The following TRMT1 variants were observed in gnomAD, a reference collection of about 807,000 sequenced individuals.
TRMT1 encodes the protein tRNA methyltransferase 1.
Under a neutral mutation model 75.4 loss-of-function variants are expected in TRMT1, and 63 were observed. The ratio of observed to expected loss-of-function variants is 0.84; its 90% CI spans 0.68 to 1.03. The LOEUF is 1.03. TRMT1 is among the 50% of genes least tolerant of loss of function. The pLI, the probability that TRMT1 is intolerant of heterozygous loss-of-function variation, is 0.00. For missense variants in TRMT1, 870 were observed against 905.3 expected (o/e 0.96, Z 0.50); for synonymous variants, 382 against 358.1 (o/e 1.07, Z -0.75).
In TRMT1 at chr19:13,110,262, G is replaced by A. The variant is rs1483029432; in HGVS notation, c.915C>T (p.Cys305=). 2 of 1,609,860 alleles carry A rather than the reference G, an allele frequency of 1.2e-6. No individual in the cohort carries two copies. The highest frequency in any genetic ancestry group is 2.2e-5 in the South Asian group (2 of 90,976). Reference sequence around the variant, plus strand: ...GCAGCGGCACCACGAAGCGCTGGTAGCAGTTGGCGCGGAGGTCCAGGCTGT... The same window carrying A: ...GCAGCGGCACCACGAAGCGCTGGTAACAGTTGGCGCGGAGGTCCAGGCTGT... ...VLHSLDLRAN[C]YQRFVVPLLS... The change falls in exon 8 of 17, where the codon TGC becomes TGT. Residue 305 remains cysteine, a synonymous_variant. Coordinates refer to ENST00000357720, the MANE Select transcript of TRMT1 (RefSeq NM_001136035.4).
rs1599941518 is a variant in TRMT1, at chr19:13,109,957, T to C, written c.1064A>G (p.His355Arg). ...VFQCVGCGAF[H>R]LQRLGKASGV... ...TGACGCTTTGCCGAGACGCTGAAGG[T>C]GGAAGGCCCCGCAGCCCACACACTG... Residue 355 changes from histidine to arginine, a missense_variant, in exon 9 of 17, where the codon CAC (histidine) becomes CGC (arginine). By Grantham distance (29) the His-to-Arg change is conservative. Transcript: ENST00000357720. The C allele has an allele frequency of 6.2e-6, 10 of 1,613,794 alleles. No homozygotes were observed. Among genetic ancestry groups the C allele is most frequent in the Non-Finnish European group, 6.8e-6 (8 of 1,179,944 alleles).
chr19:13,112,888 C>T lies in TRMT1; in HGVS notation c.757+8G>A, dbSNP rs1283536272. 6.2e-7 allele frequency: 1 copy of T among 1,612,822 alleles called. No individual in the cohort carries two copies. Among genetic ancestry groups the T allele is most frequent in the Non-Finnish European group, 8.5e-7 (1 of 1,179,208 alleles). On this transcript the variant is annotated splice_region_variant and intron_variant, in intron 6 of 16. Coordinates refer to ENST00000357720, the MANE Select transcript of TRMT1 (RefSeq NM_001136035.4). ...CCTGCTCCCACCCCAGTGCCATCCC[C>T]ACCTCACCTCCTTCACTCACAGCCT...
rs71168652 is a variant in TRMT1, at chr19:13,107,985, C to CTT, written c.1398-128_1398-127dup. 3,197 of 329,092 alleles carry CTT rather than the reference C, an allele frequency of 9.7e-3. 4 individuals carry two copies. The highest frequency in any genetic ancestry group is 0.016 in the Middle Eastern group (16 of 1,014). The allele number at this position is 329,092 out of a possible 1,614,324, so 20.4% of individuals were successfully genotyped here. A position where few individuals can be genotyped will look rare whatever the true frequency, so the allele number is the denominator to read the frequency against. ...CTACAGAGTTCATTTCTTTTCTTTT[C>CTT]TTTTTTTTTTTTTTTTTTTTTTTGA... On this transcript the variant is annotated intron_variant, in intron 12 of 16. Coordinates refer to ENST00000357720, the MANE Select transcript of TRMT1 (RefSeq NM_001136035.4).
intron 10 of TRMT1, 33 bp from the exon 11 acceptor site, chr19:13,109,717 CTA>C (rs772944218): frequency 8.2e-5 from 133 of 1,613,886 alleles, no homozygotes; most frequent in Non-Finnish European, 1.0e-4. Flanking sequence ...TGAGCAGGGA[CTA>C]TGACCTTCAA....
In TRMT1 at chr19:13,105,035, G is replaced by A. The variant is rs2018786917; in HGVS notation, c.1880C>T (p.Pro627Leu). The change falls in exon 17 of 17, where the codon CCG becomes CTG. Residue 627 changes from proline to leucine, a missense_variant. Pro to Leu is a moderately conservative substitution (Grantham distance 98, BLOSUM62 -3). Transcript: ENST00000357720. ...GDQCCYSHSP[P>L]TPRVSADAAP... ...AGCATCAGCAGAAACCCTGGGTGTC[G>A]GGGGGCTGTGGGAGTAGCAGCACTG... is the stretch of plus-strand genomic sequence containing the variant. 3.7e-6 allele frequency: 6 copies of A among 1,608,486 alleles called. No homozygotes were observed. The highest frequency in any genetic ancestry group is 3.4e-5 in the Admixed American group (2 of 59,612).
chr19:13,112,438 T>C (rs1262033052), intron 7 of TRMT1, among the ~76,000 whole-genome samples: 1 of 152,208 alleles, frequency 6.6e-6, no homozygotes, highest in Non-Finnish European at 1.5e-5. Context: ...TTTTGAAAAG[T>C]TGTTTTAATA....
chr19:13,105,686 G>T, intron 14 of TRMT1, 80 bp from the exon 15 acceptor site: 1 of 1,351,178 alleles, frequency 7.4e-7, no homozygotes, highest in Non-Finnish European at 1.0e-6. Context: ...GGGCCTGTCC[G>T]CCTCCACAAC....
In TRMT1 at chr19:13,105,162, C is replaced by A; in HGVS notation, c.1834-81G>T. The A allele has an allele frequency of 1.3e-6, 2 of 1,547,676 alleles. 1 individual carries two copies. Among genetic ancestry groups the A allele is most frequent in the East Asian group, 4.5e-5 (2 of 44,326 alleles). Reference sequence around the variant, plus strand: ...GGATCCTTTCCTGGGATGGGAAGCCCACTCCCAAACACTTGCCTGGCCCCA... The same window carrying A: ...GGATCCTTTCCTGGGATGGGAAGCCAACTCCCAAACACTTGCCTGGCCCCA... On this transcript the variant is annotated intron_variant, in intron 16 of 16. Transcript: ENST00000357720.
In TRMT1 at chr19:13,105,384, G is replaced by A. The variant is rs140922671; in HGVS notation, c.1716C>T (p.Ala572=). The A allele has an allele frequency of 3.6e-5, 58 of 1,613,668 alleles. No homozygotes were observed. The Admixed American group carries it at 6.0e-4, about 17-fold the overall frequency. The part of the protein sequence containing the change: ...RPRARPGGKA[A]DEAMEERRRL... ...TGCGTCTCTCCTCCATAGCTTCGTCGGCCGCCTTGCCCCTGTGCGAGGGGA... is the reference window on the plus strand; with the variant it reads ...TGCGTCTCTCCTCCATAGCTTCGTCAGCCGCCTTGCCCCTGTGCGAGGGGA... The change falls in exon 16 of 17, where the codon GCC becomes GCT. Residue 572 remains alanine (A), a synonymous_variant. Transcript: ENST00000357720.
At chr19:13,116,498 C>T in intron 1 of TRMT1, 67 bp from the exon 2 acceptor site, 2 of 1,475,826 alleles carry the variant, frequency 1.4e-6, no homozygotes, top group Admixed American at 2.2e-5. Context: ...CGGGGATGTC[C>T]TACATATCTA....
At position 13,115,428 on chromosome 19, in the gene TRMT1, G is replaced by T. The variant is rs755181260; in HGVS notation, c.492C>A (p.Gly164=). ...LHVLEGLAAS[G]LRSIRFALEV... is the part of the protein sequence containing the mutation. ...CTAGGGCAAATCGAATGGAACGTAG[G>T]CCTGAAGCTGCCAGGCCTTCCAGCA... is the stretch of plus-strand genomic sequence containing the variant. The change falls in exon 5 of 17, where the codon GGC becomes GGA. Residue 164 remains glycine, a synonymous_variant. Coordinates refer to ENST00000357720, the MANE Select transcript of TRMT1 (RefSeq NM_001136035.4). The T allele has an allele frequency of 6.2e-7, 1 of 1,613,866 alleles. No individual in the cohort carries two copies.
rs776239119 is a variant in TRMT1 at position 13,116,381 on chromosome 19, A to G, written c.19T>C (p.Trp7Arg). 1.0e-5 allele frequency: 16 copies of G among 1,606,916 alleles called. No homozygotes were observed. The South Asian group carries it at 1.4e-4, about 14-fold the overall frequency. Reference protein sequence around the residue: MQGSSLWLSLTFRSARV... With the variant: MQGSSLRLSLTFRSARV... The stretch of plus-strand genomic sequence containing the variant: ...GCGGAGCGGAAAGTGAGGCTTAGCC[A>G]CAGAGACGATCCTTGCATGAGACAT... Residue 7 changes from tryptophan to arginine, a missense_variant, in exon 2 of 17, where the codon TGG becomes CGG. By Grantham distance (101) the Trp-to-Arg change is moderately radical (BLOSUM62 -3). Coordinates refer to ENST00000357720, the MANE Select transcript of TRMT1 (RefSeq NM_001136035.4).
intron 7 of TRMT1, among the ~76,000 whole-genome samples, chr19:13,111,990 C>T (rs139707084): frequency 4.1e-4 from 62 of 152,108 alleles, no homozygotes; most frequent in African/African-American, 1.4e-3. Context: ...TGAGCTACCA[C>T]GCCCGGCCTA....
intron 3 of TRMT1, 41 bp downstream of exon 3, chr19:13,115,956 T>G: frequency 6.2e-7 from 1 of 1,613,696 alleles, no homozygotes; most frequent in Non-Finnish European, 8.5e-7. Flanking sequence ...GAGATAAACT[T>G]GTGTGACCCC....
In TRMT1 at chr19:13,105,597, G is replaced by A. The variant is rs2018830226; in HGVS notation, c.1593C>T (p.Ala531=). The change falls in exon 15 of 17, where the codon GCC becomes GCT. Residue 531 remains alanine (A), a synonymous_variant. Transcript: ENST00000357720. ...RILSVEPRLQ[A]NFTIREDANP... ...TGGCATCTTCCCGGATGGTGAAGTT[G>A]GCCTGCAGCCTAGGGAAGCAGGGGT... 3.1e-6 allele frequency: 5 copies of A among 1,613,394 alleles called. No individual in the cohort carries two copies. The highest frequency in any genetic ancestry group is 2.2e-5 in the South Asian group (2 of 91,034).
intron 5 of TRMT1, 103 bp from the exon 6 acceptor site, chr19:13,113,114 C>T (rs772845615): frequency 3.5e-5 from 24 of 684,620 alleles, no homozygotes; most frequent in Admixed American, 1.6e-4. Context: ...GTCTGAACTC[C>T]GGGGCCAGAT....
chr19:13,111,284 C>G (rs956917437), intron 7 of TRMT1, among the ~76,000 whole-genome samples: 1 of 152,176 alleles, frequency 6.6e-6, no homozygotes, highest in African/African-American at 2.4e-5. Flanking sequence ...GATCCTCCCA[C>G]CTTGGCCTCC....
chr19:13,109,455 G>T lies in TRMT1; in HGVS notation c.1323C>A (p.Asp441Glu), dbSNP rs746267277. 1.2e-6 allele frequency: 2 copies of T among 1,613,862 alleles called. No individual in the cohort carries two copies. The highest frequency in any genetic ancestry group is 2.2e-5 in the South Asian group (2 of 91,072). Reference sequence around the variant, plus strand: ...GGTCCAGGGTGTAGTACAGAGGCACGTCCGGGAGCTCCTGCGATGGGGGAC... The same window carrying T: ...GGTCCAGGGTGTAGTACAGAGGCACTTCCGGGAGCTCCTGCGATGGGGGAC... ...VLSVITEELP[D>E]VPLYYTLDQL... Residue 441 changes from aspartate (D) to glutamate (E), a missense_variant, in exon 12 of 17, where the codon GAC becomes GAA. Asp to Glu is a conservative substitution (Grantham distance 45). Coordinates refer to ENST00000357720, the MANE Select transcript of TRMT1 (RefSeq NM_001136035.4).
intron 12 of TRMT1, 68 bp from the exon 13 acceptor site, chr19:13,107,927 G>A (rs2018956679): frequency 9.8e-6 from 13 of 1,332,806 alleles, no homozygotes; most frequent in Admixed American, 2.0e-5. Flanking sequence ...GCTGACCAGC[G>A]TAGGTAAGAC....
Sources: allele counts gnomAD v4.1 joint callset (sites outside exome capture counted in the v4.1 genomes callset), GRCh38; gene constraint gnomAD v4.1.1; transcripts MANE v1.5; gene names NCBI Gene and HGNC (gene_info 2026-07-23, HGNC 2026-07-21).